The following ABCB4 variants were observed in gnomAD, a reference collection of about 807,000 sequenced individuals.
ABCB4 encodes the protein ATP binding cassette subfamily B member 4.
ABCB4 carries 76 observed loss-of-function variants against 145.7 expected under a neutral mutation model. The observed-to-expected ratio is 0.52, with a 90% CI of 0.43 to 0.63. ABCB4 has a LOEUF of 0.63. Among genes scored for constraint, ABCB4 ranks in the 30% least tolerant of loss-of-function variants. The pLI, the probability that ABCB4 is intolerant of heterozygous loss-of-function variation, is 0.00. For synonymous variants in ABCB4, 517 were observed against 566.8 expected, an observed-to-expected ratio of 0.91 and a Z score of 1.25; for missense variants, 1,234 against 1,553.1, an observed-to-expected ratio of 0.79 and a Z score of 3.45.
At chr7:87,447,248 C>G in intron 8 of ABCB4, 43 bp from the exon 9 acceptor site, 2 of 1,585,134 alleles carry the variant, frequency 1.3e-6, no homozygotes, top group Non-Finnish European at 1.7e-6. Flanking sequence ...TTAAGAATAA[C>G]AATCCATAGT....
rs746779468 is a variant in ABCB4, at chr7:87,443,794, T to C, written c.1120-21A>G. The C allele has an allele frequency of 3.3e-5, 51 of 1,566,020 alleles. 1 individual carries two copies. The highest frequency in any genetic ancestry group is 3.1e-5 in the Non-Finnish European group (35 of 1,136,726). On this transcript the variant is annotated intron_variant, in intron 10 of 27. Transcript: ENST00000649586. ...GGATTCTAAATAAAACAAAATGTAA[T>C]GACTATTCCATCATAGCACAAACAA...
At chr7:87,454,621 TA>T in intron 4 of ABCB4, 29 bp from the exon 5 acceptor site, 1 of 1,540,920 alleles carries the variant, frequency 6.5e-7, no homozygotes, top group Non-Finnish European at 8.9e-7. Context: ...TAAAACATGT[TA>T]AAAGATCAAA....
chr7:87,440,383 T>C lies in ABCB4; in HGVS notation c.1376A>G (p.Asp459Gly), dbSNP rs767438856. 6 of 1,614,018 alleles carry C rather than the reference T, an allele frequency of 3.7e-6. No homozygotes were observed. Among genetic ancestry groups the C allele is most frequent in the Non-Finnish European group, 5.1e-6 (6 of 1,179,944 alleles). The change falls in exon 13 of 28, where the codon GAT becomes GGT. Residue 459 changes from aspartate to glycine, a missense_variant. Asp to Gly is a moderately conservative substitution (Grantham distance 94). Coordinates refer to ENST00000649586, the MANE Select transcript of ABCB4 (RefSeq NM_000443.4). ...DEGTINIDGQ[D>G]IRNFNVNYLR... Reference sequence around the variant, plus strand: ...ATAGTTTACATTAAAGTTCCTAATATCCTGCCCATCAATGTTAATCTGAAA... The same window carrying C: ...ATAGTTTACATTAAAGTTCCTAATACCCTGCCCATCAATGTTAATCTGAAA...
chr7:87,374,599 G>A, the ABCB4 span, among the ~76,000 whole-genome samples: 2 of 152,048 alleles, frequency 1.3e-5, no homozygotes, highest in African/African-American at 2.4e-5. Context: ...AGCAGGAAGA[G>A]AGGCAAAGCA....
At chr7:87,392,137 A>T in the ABCB4 span, among the ~76,000 whole-genome samples, 1 of 152,158 alleles carries the variant, frequency 6.6e-6, no homozygotes, top group Non-Finnish European at 1.5e-5. Context: ...TTTTTGAAGC[A>T]TTTAGACAAC....
chr7:87,445,922 A>G lies in ABCB4; in HGVS notation c.1006-947T>C, dbSNP rs1457752948. 2.0e-5 allele frequency among the ~76,000 whole-genome samples: 3 copies of G among 152,208 alleles called. No homozygotes were observed. The East Asian group carries it at 5.8e-4, about 29-fold the overall frequency. On this transcript the variant is annotated intron_variant, in intron 9 of 27. Transcript: ENST00000649586. The stretch of plus-strand genomic sequence containing the variant: ...CTACCGGATAGGTGTCATTATCCAC[A>G]TACTACAAATGAGGAAATTAAGGCC...
chr7:87,382,530 A>G, the ABCB4 span: 2 of 1,613,812 alleles, frequency 1.2e-6, no homozygotes, highest in Non-Finnish European at 1.7e-6. Flanking sequence ...GGCCTATTAC[A>G]GACTTCATGG....
At chr7:87,418,498 G>T in intron 20 of ABCB4, 39 bp downstream of exon 20, 1 of 1,578,342 alleles carries the variant, frequency 6.3e-7, no homozygotes, top group Non-Finnish European at 8.7e-7. Context: ...CTAAAACCAT[G>T]TTATGTAAAA....
At chr7:87,436,446 A>G (rs1336342999) in intron 14 of ABCB4, among the ~76,000 whole-genome samples, 1 of 152,250 alleles carries the variant, frequency 6.6e-6, no homozygotes, top group African/African-American at 2.4e-5. Context: ...GGGCTTGAGT[A>G]AATGACAGCT....
chr7:87,400,380 A>T (rs915589097), downstream of ABCB4, among the ~76,000 whole-genome samples: 1 of 152,226 alleles, frequency 6.6e-6, no homozygotes, highest in South Asian at 2.1e-4. Flanking sequence ...AGAAACATGT[A>T]CGCTCTGAAT....
intron 4 of ABCB4, among the ~76,000 whole-genome samples, chr7:87,459,456 A>G (rs45593435): frequency 0.23 from 34,876 of 152,098 alleles, 5,332 homozygotes; most frequent in African/African-American, 0.44. Flanking sequence ...CATCTATGAC[A>G]TAGCATATGT....
At chr7:87,384,997 C>T in the ABCB4 span, among the ~76,000 whole-genome samples, 3 of 151,670 alleles carry the variant, frequency 2.0e-5, no homozygotes, top group African/African-American at 7.2e-5. Context: ...AAAGGAGATG[C>T]CTGTAAATAC....
At chr7:87,410,479 C>T (rs1029046324) in intron 23 of ABCB4, among the ~76,000 whole-genome samples, 1 of 152,018 alleles carries the variant, frequency 6.6e-6, no homozygotes, top group Admixed American at 6.6e-5. Flanking sequence ...CCCTGTACTG[C>T]CTAAAGCTGT....
the ABCB4 span, among the ~76,000 whole-genome samples, chr7:87,378,034 C>G: frequency 6.6e-6 from 1 of 151,960 alleles, no homozygotes; most frequent in South Asian, 2.1e-4. Context: ...GTCTATGAAC[C>G]AAGAAAATTT....
intron 16 of ABCB4, among the ~76,000 whole-genome samples, chr7:87,425,719 C>G (rs1442562649): frequency 2.6e-5 from 4 of 151,652 alleles, no homozygotes; most frequent in Non-Finnish European, 5.9e-5. Flanking sequence ...ACAAAAAGCA[C>G]AGAAAAATTA....
chr7:87,443,722 T>C lies in ABCB4; in HGVS notation c.1171A>G (p.Lys391Glu), dbSNP rs781347049. Residue 391 changes from lysine (K) to glutamate (E), a missense_variant, in exon 11 of 28, where the codon AAA (lysine) becomes GAA (glutamate). Lys to Glu is a moderately conservative substitution (Grantham distance 56, BLOSUM62 1). Around this residue, in one of 7 missense-constraint regions of ABCB4, gnomAD observed 467 missense variants for 632.8 expected, o/e 0.74. Coordinates refer to ENST00000649586, the MANE Select transcript of ABCB4 (RefSeq NM_000443.4). The part of the protein sequence containing the change: ...SERGHKPDSI[K>E]GNLEFNDVHF... Reference sequence around the variant, plus strand: ...ACATCATTGAACTCCAAATTCCCTTTGATGCTGTCTGGTTTGTGTCCTCTC... The same window carrying C: ...ACATCATTGAACTCCAAATTCCCTTCGATGCTGTCTGGTTTGTGTCCTCTC... 7.4e-6 allele frequency: 12 copies of C among 1,613,928 alleles called. No homozygotes were observed. In the South Asian group the frequency reaches 1.3e-4, roughly 18 times the overall value.
the ABCB4 span, chr7:87,375,506 A>G: frequency 1.6e-6 from 1 of 611,696 alleles, no homozygotes; most frequent in Non-Finnish European, 2.9e-6. Context: ...TATTGGCATC[A>G]TAAGTGGTTT....
At chr7:87,411,802 ACAGGAGTCATTTTTTTC>A (rs1808641443) in intron 23 of ABCB4, 74 bp downstream of exon 23, 17 of 1,230,000 alleles carry the variant, frequency 1.4e-5, no homozygotes, top group Non-Finnish European at 2.0e-5. Context: ...ATCTTTGGAC[ACAGGAGTCATTTTTTTC>A]CTACTCTAAA....
Position 87,453,050 on chromosome 7 carries a change from G to A in ABCB4, c.430C>T (p.Arg144Ter), listed in dbSNP as rs72552780. Residue 144 changes from arginine (R) to a stop codon, truncating the protein, a stop_gained, in exon 6 of 28, where the codon CGA becomes TGA. Coordinates refer to ENST00000649586, the MANE Select transcript of ABCB4 (RefSeq NM_000443.4). LOFTEE classifies it high-confidence loss of function. Reference protein sequence around the residue: ...QVSFWTLAAGRQIRKIRQKFF... With the variant: ...QVSFWTLAAG ...TTCTGCCTAATTTTCCTGATCTGTCGACCAGCTGCCAAAGTCCAAAATGAA... is the reference window on the plus strand; with the variant it reads ...TTCTGCCTAATTTTCCTGATCTGTCAACCAGCTGCCAAAGTCCAAAATGAA... 3.7e-6 allele frequency: 6 copies of A among 1,613,632 alleles called. No individual in the cohort carries two copies. The highest frequency in any genetic ancestry group is 1.6e-4 in the Middle Eastern group (1 of 6,084).
Sources: gnomAD v4.1 joint callset for allele counts (sites outside exome capture counted in the v4.1 genomes callset) on GRCh38, gnomAD v4.1.1 for gene constraint, gnomAD v4.1.1 regional missense constraint, MANE v1.5 for transcripts, NCBI Gene and HGNC (gene_info 2026-07-23, HGNC 2026-07-21) for gene names.